SLC38A3: variants seen among roughly 807,000 people sequenced by gnomAD.
SLC38A3 encodes the protein sodium-coupled neutral amino acid transporter 3.
Under a neutral mutation model 59.5 loss-of-function variants are expected in SLC38A3, and 17 were observed. The ratio of observed to expected loss-of-function variants is 0.29; its 90% CI spans 0.20 to 0.43. The LOEUF is 0.43. Ranked by LOEUF, SLC38A3 falls within the 20% of genes least tolerant of loss-of-function variation. The probability of loss-of-function intolerance (pLI) is 1.00; values close to 1 mark genes in which losing one functional copy is unlikely to be tolerated. For synonymous variants in SLC38A3, 238 were observed against 260.3 expected (o/e 0.91, Z 0.82); for missense variants, 454 against 653.9 (o/e 0.69, Z 3.33).
At chr3:50,207,643 G>A (rs1699664952) in intron 1 of SLC38A3, 2 of 152,318 alleles carry the variant, frequency 1.3e-5, no homozygotes, top group East Asian at 3.9e-4. Flanking sequence ...CATTTGCTGA[G>A]CACCTACTGT....
chr3:50,218,582 G>T lies in SLC38A3; in HGVS notation c.1037-11G>T. On this transcript the variant is annotated splice_polypyrimidine_tract_variant and intron_variant, in intron 12 of 15. Transcript: ENST00000614032. This position sits in a 1 kb window ranked among gnomAD's most constrained non-coding sequence, Gnocchi z 5.8. ...GGGCCACCTACTGACCACCCTCCCT[G>T]CCTGCCACAGACGGGGTGGAGTCGG... 1.2e-6 allele frequency: 2 copies of T among 1,610,792 alleles called. No homozygotes were observed. Among genetic ancestry groups the T allele is most frequent in the South Asian group, 1.1e-5 (1 of 90,964 alleles).
intron 14 of SLC38A3, 121 bp downstream of exon 14, chr3:50,219,069 G>A (rs1373895941): frequency 1.6e-6 from 2 of 1,289,540 alleles, no homozygotes; most frequent in Non-Finnish European, 2.1e-6. Flanking sequence ...TGCACAGTTT[G>A]GCCTTCCATC....
chr3:50,209,022 C>T (rs1575422903), intron 1 of SLC38A3, among the ~76,000 whole-genome samples: 2 of 152,262 alleles, frequency 1.3e-5, no homozygotes, highest in South Asian at 4.1e-4. Flanking sequence ...GCCAGAAGTC[C>T]GGCTGTCTAA....
chr3:50,219,761 A>G (rs1487652609), intron 14 of SLC38A3, 120 bp from the exon 15 acceptor site: 19 of 780,446 alleles, frequency 2.4e-5, no homozygotes, highest in Non-Finnish European at 3.6e-5. Context: ...AGAGCTCTCC[A>G]GTGGTCTCAA....
rs758580823 is a variant in SLC38A3 at position 50,214,207 on chromosome 3, C to A, written c.8C>A (p.Ala3Glu). The A allele has an allele frequency of 4.3e-6, 7 of 1,613,330 alleles. No homozygotes were observed. Among genetic ancestry groups the A allele is most frequent in the Non-Finnish European group, 5.9e-6 (7 of 1,179,690 alleles). Reference sequence around the variant, plus strand: ...GGTGGTGTGCCCTGAGCCATGGAGGCGCCTTTGCAGACAGAGATGGTGGAG... The same window carrying A: ...GGTGGTGTGCCCTGAGCCATGGAGGAGCCTTTGCAGACAGAGATGGTGGAG... ME[A>E]PLQTEMVELV... The change falls in exon 2 of 16, where the codon GCG (alanine) becomes GAG (glutamate). Residue 3 changes from alanine (A) to glutamate (E), a missense_variant. Ala to Glu is a moderately radical substitution (Grantham distance 107). This residue lies in a region of SLC38A3 where 390 missense variants were observed against 557.9 expected (regional missense o/e 0.70). Coordinates refer to ENST00000614032, the MANE Select transcript of SLC38A3 (RefSeq NM_006841.6). The surrounding 1 kb of genome is among the most constrained non-coding windows in gnomAD (Gnocchi z 6.0).
chr3:50,220,010 G>T (rs1318726979), intron 15 of SLC38A3, 26 bp downstream of exon 15: 1 of 1,604,624 alleles, frequency 6.2e-7, no homozygotes. Flanking sequence ...AGGCCGGTGG[G>T]CTGGTATGGG....
chr3:50,216,451 C>A lies in SLC38A3; in HGVS notation c.548+630C>A, dbSNP rs376604017. ...CTTATCCCCTTGTTTCTCTGTGCCC[C>A]GTATCCATTCCTGGTGGGTAGAGGA... On this transcript the variant is annotated intron_variant, in intron 7 of 15. Transcript: ENST00000614032. Among the ~76,000 whole-genome samples, 4 of 152,314 alleles carry A rather than the reference C, an allele frequency of 2.6e-5. No individual in the cohort carries two copies. The East Asian group carries it at 7.7e-4, about 29-fold the overall frequency.
In SLC38A3 at chr3:50,215,198, C is replaced by G; in HGVS notation, c.300-188C>G. 1.6e-6 allele frequency: 1 copy of G among 611,590 alleles called. No homozygotes were observed. Among genetic ancestry groups the G allele is most frequent in the Non-Finnish European group, 2.9e-6 (1 of 343,034 alleles). The allele number at this position is 611,590 out of a possible 1,614,324, so 37.9% of individuals were successfully genotyped here. A position where few individuals can be genotyped will look rare whatever the true frequency, so the allele number is the denominator to read the frequency against. Reference sequence around the variant, plus strand: ...AGGGCCCCTTCTGGGGTGTGTCGCACCCTGGATCAAAGGGGGTGGTGTTCA... The same window carrying G: ...AGGGCCCCTTCTGGGGTGTGTCGCAGCCTGGATCAAAGGGGGTGGTGTTCA... On this transcript the variant is annotated intron_variant, in intron 4 of 15. Transcript: ENST00000614032. The surrounding 1 kb of genome is among the most constrained non-coding windows in gnomAD (Gnocchi z 7.1).
rs1472988992 is a variant in SLC38A3 at position 50,217,486 on chromosome 3, C to G, written c.690+13C>G. On this transcript the variant is annotated intron_variant, in intron 9 of 15. Coordinates refer to ENST00000614032, the MANE Select transcript of SLC38A3 (RefSeq NM_006841.6). This position sits in a 1 kb window ranked among gnomAD's most constrained non-coding sequence, Gnocchi z 4.9. ...CTTCCTAATTGCAGTGAGTCACCCT[C>G]CATGTTGGCTGAGAAAGCGGGCAGC... 2 of 1,612,374 alleles carry G rather than the reference C, an allele frequency of 1.2e-6. No individual in the cohort carries two copies. Among genetic ancestry groups the G allele is most frequent in the East Asian group, 2.2e-5 (1 of 44,846 alleles).
In SLC38A3 at chr3:50,220,405, T is replaced by C; in HGVS notation, c.*228T>C. Reference sequence around the variant, plus strand: ...CTGGAGCTGTAGAGGCTTCCTGAACTGGGAGCAGGGTAGGGCTGTCGCCTT... The same window carrying C: ...CTGGAGCTGTAGAGGCTTCCTGAACCGGGAGCAGGGTAGGGCTGTCGCCTT... On this transcript the variant is annotated 3_prime_UTR_variant, in exon 16 of 16. Transcript: ENST00000614032. 3.6e-6 allele frequency: 2 copies of C among 556,866 alleles called. No homozygotes were observed. Among genetic ancestry groups the C allele is most frequent in the Non-Finnish European group, 6.5e-6 (2 of 309,428 alleles). 34.5% of individuals were successfully genotyped at this position (556,866 alleles called of 1,614,324 possible). A position where few individuals can be genotyped will look rare whatever the true frequency, so the allele number is the denominator to read the frequency against.
Position 50,218,408 on chromosome 3 carries a change from TG to T in SLC38A3, c.1036+44del, listed in dbSNP as rs747397173. On this transcript the variant is annotated intron_variant, in intron 12 of 15. Transcript: ENST00000614032. The surrounding 1 kb of genome is among the most constrained non-coding windows in gnomAD (Gnocchi z 5.8). The stretch of plus-strand genomic sequence containing the variant: ...CGGTGGGCAGAGGCCTAGGCTAGGC[TG>T]GGGGGAAGGGGCTGGTTGTGGCCAT... 3 of 1,555,926 alleles carry T rather than the reference TG, an allele frequency of 1.9e-6. No homozygotes were observed. The highest frequency in any genetic ancestry group is 1.8e-6 in the Non-Finnish European group (2 of 1,127,168).
At chr3:50,216,150 C>A (rs1249695874) in intron 7 of SLC38A3, among the ~76,000 whole-genome samples, 1 of 152,236 alleles carries the variant, frequency 6.6e-6, no homozygotes, top group Non-Finnish European at 1.5e-5. Flanking sequence ...GCCTGCTATT[C>A]CTGACCATGG....
chr3:50,209,039 G>GGCC (rs1699685833), intron 1 of SLC38A3, among the ~76,000 whole-genome samples: 1 of 152,144 alleles, frequency 6.6e-6, no homozygotes, highest in African/African-American at 2.4e-5. Context: ...CTAAATATTT[G>GGCC]GCCGCCTCCA....
At position 50,214,833 on chromosome 3, in the gene SLC38A3, C is replaced by T. The variant is rs993780976; in HGVS notation, c.299+65C>T. 3 of 1,011,546 alleles carry T rather than the reference C, an allele frequency of 3.0e-6. No individual in the cohort carries two copies. Among genetic ancestry groups the T allele is most frequent in the African/African-American group, 3.2e-5 (2 of 62,326 alleles). 62.7% of individuals were successfully genotyped at this position (1,011,546 alleles called of 1,614,324 possible). A position where few individuals can be genotyped will look rare whatever the true frequency, so the allele number is the denominator to read the frequency against. The stretch of plus-strand genomic sequence containing the variant: ...AAGCAAGCCACCAATCATGACCTCC[C>T]AGGACCCGCCAGTTCCCTGTCCCAG... On this transcript the variant is annotated intron_variant, in intron 4 of 15. Transcript: ENST00000614032. This position sits in a 1 kb window ranked among gnomAD's most constrained non-coding sequence, Gnocchi z 6.0.
chr3:50,220,480 G>A lies in SLC38A3; in HGVS notation c.*303G>A. ...CCTCCTTGCACAGATGCATACACTG[G>A]GGCCCAGCAGCTGCCTCCTGAGGTG... is the stretch of plus-strand genomic sequence containing the variant. On this transcript the variant is annotated 3_prime_UTR_variant, in exon 16 of 16. Coordinates refer to ENST00000614032, the MANE Select transcript of SLC38A3 (RefSeq NM_006841.6). 2.6e-6 allele frequency: 1 copy of A among 377,908 alleles called. No individual in the cohort carries two copies. The highest frequency in any genetic ancestry group is 4.9e-6 in the Non-Finnish European group (1 of 202,666). 23.4% of individuals were successfully genotyped at this position (377,908 alleles called of 1,614,324 possible).
chr3:50,215,762 C>A lies in SLC38A3; in HGVS notation c.489C>A (p.Ile163=). ...CAGCCATGTCCAGCTACCTGTACATCATCAAGTCTGAGCTGCCACTTGTCA... is the reference window on the plus strand; with the variant it reads ...CAGCCATGTCCAGCTACCTGTACATAATCAAGTCTGAGCTGCCACTTGTCA... ...NIGAMSSYLY[I]IKSELPLVIQ... Residue 163 remains isoleucine, a synonymous_variant, in exon 7 of 16, where the codon ATC becomes ATA. Transcript: ENST00000614032. The surrounding 1 kb of genome is among the most constrained non-coding windows in gnomAD (Gnocchi z 7.1). The A allele has an allele frequency of 1.2e-6, 2 of 1,601,422 alleles. No individual in the cohort carries two copies. Among genetic ancestry groups the A allele is most frequent in the Non-Finnish European group, 1.7e-6 (2 of 1,174,236 alleles).
intron 1 of SLC38A3, among the ~76,000 whole-genome samples, chr3:50,205,827 C>T (rs1289440699): frequency 1.3e-5 from 2 of 152,254 alleles, no homozygotes; most frequent in African/African-American, 4.8e-5. Flanking sequence ...CCGGCTGGCA[C>T]GATGGGAATC....
chr3:50,212,131 G>A (rs1351257878), intron 1 of SLC38A3, among the ~76,000 whole-genome samples: 1 of 152,246 alleles, frequency 6.6e-6, no homozygotes, highest in Non-Finnish European at 1.5e-5. Context: ...CTGCAGGGGG[G>A]ATGGGGAATC....
intron 1 of SLC38A3, among the ~76,000 whole-genome samples, chr3:50,212,310 G>A (rs1183500387): frequency 1.3e-5 from 2 of 152,214 alleles, no homozygotes; most frequent in African/African-American, 4.8e-5. Context: ...AGGGCAGGGG[G>A]CCGAGAGAGG....
Sources: allele counts gnomAD v4.1 joint callset (sites outside exome capture counted in the v4.1 genomes callset), GRCh38; gene constraint gnomAD v4.1.1; regional missense constraint gnomAD v4.1.1; non-coding constraint Gnocchi (gnomAD v3.1); transcripts MANE v1.5; gene names NCBI Gene and HGNC (gene_info 2026-07-23, HGNC 2026-07-21).